Variants in NRXN1 observed in about 807,000 individuals in gnomAD.
NRXN1 encodes the protein neurexin-1.
In NRXN1, 39 loss-of-function variants were observed where a neutral mutation model predicts 150.9. The ratio of observed to expected loss-of-function variants is 0.26; its 90% CI spans 0.20 to 0.34. The LOEUF (loss-of-function observed/expected upper bound fraction) is 0.34. NRXN1 is among the 10% of genes least tolerant of loss of function. The pLI, the probability that NRXN1 is intolerant of heterozygous loss-of-function variation, is 1.00. For missense variants in NRXN1, 1,815 were observed against 1,949.9 expected (o/e 0.93, Z 1.30); for synonymous variants, 924 against 757.0 (o/e 1.22, Z -3.62).
At chr2:50,817,007 C>T (rs574992547) in intron 5 of NRXN1, among the ~76,000 whole-genome samples, 5 of 151,952 alleles carry the variant, frequency 3.3e-5, no homozygotes, top group South Asian at 4.2e-4. Flanking sequence ...ACAGGGCTCT[C>T]GGAGATCACA....
chr2:51,007,239 T>C (rs555908731), intron 2 of NRXN1, among the ~76,000 whole-genome samples: 39 of 152,066 alleles, frequency 2.6e-4, no homozygotes, highest in African/African-American at 9.1e-4. Flanking sequence ...TTAATGAGCA[T>C]TTTCTGAACC....
At chr2:50,602,500 ACAAT>A (rs1197437472) in intron 8 of NRXN1, among the ~76,000 whole-genome samples, 6 of 152,222 alleles carry the variant, frequency 3.9e-5, no homozygotes, top group Middle Eastern at 3.4e-3. Context: ...TCCAGAATCA[ACAAT>A]CACTTTCCAA....
chr2:50,818,510 T>C (rs1166789195), intron 5 of NRXN1, among the ~76,000 whole-genome samples: 3 of 152,112 alleles, frequency 2.0e-5, no homozygotes, highest in East Asian at 3.9e-4. Flanking sequence ...ATCCTTATCT[T>C]ACACACAAAA....
intron 17 of NRXN1, among the ~76,000 whole-genome samples, chr2:50,251,984 G>A (rs7580821): frequency 0.41 from 62,470 of 151,778 alleles, 13,076 homozygotes; most frequent in Middle Eastern, 0.46. Context: ...TCTGCAGGTT[G>A]TCTGTTCACT....
At chr2:50,840,471 T>C (rs1241274051) in intron 5 of NRXN1, among the ~76,000 whole-genome samples, 4 of 152,140 alleles carry the variant, frequency 2.6e-5, no homozygotes, top group Non-Finnish European at 5.9e-5. Context: ...GAGGTCCAGA[T>C]GGTGCAGAGA....
intron 5 of NRXN1, among the ~76,000 whole-genome samples, chr2:50,769,367 C>T (rs1254191162): frequency 6.6e-6 from 1 of 152,094 alleles, no homozygotes; most frequent in Admixed American, 6.6e-5. Flanking sequence ...CTCTAATGCA[C>T]TAACATCATT....
chr2:50,244,613 G>A (rs2152890484), intron 17 of NRXN1, among the ~76,000 whole-genome samples: 1 of 152,026 alleles, frequency 6.6e-6, no homozygotes, highest in African/African-American at 2.4e-5. Context: ...CTCTTCAGCA[G>A]ATAGGATCTG....
At position 50,776,655 on chromosome 2, in the gene NRXN1, T is replaced by C. The variant is rs200773900; in HGVS notation, c.832+145214A>G. Among the ~76,000 whole-genome samples, 7 of 147,310 alleles carry C rather than the reference T, an allele frequency of 4.8e-5. No individual in the cohort carries two copies. In the South Asian group the frequency reaches 6.5e-4, roughly 14 times the overall value. On this transcript the variant is annotated intron_variant, in intron 5 of 22. Transcript: ENST00000401669. Reference sequence around the variant, plus strand: ...TGAGATATATATATATATATACACATACACACACACACACACACACACATA... The same window carrying C: ...TGAGATATATATATATATATACACACACACACACACACACACACACACATA...
intron 5 of NRXN1, among the ~76,000 whole-genome samples, chr2:50,780,267 C>T (rs537035645): frequency 2.1e-4 from 32 of 152,010 alleles, no homozygotes; most frequent in Non-Finnish European, 3.7e-4. Context: ...GATGGATAGA[C>T]GGCAAAAATT....
intron 5 of NRXN1, among the ~76,000 whole-genome samples, chr2:50,673,253 G>T (rs1050386233): frequency 1.2e-4 from 18 of 152,078 alleles, no homozygotes; most frequent in Non-Finnish European, 2.4e-4. Context: ...TATTATGTGA[G>T]AAATTATGAT....
At chr2:50,819,637 A>C (rs1015330848) in intron 5 of NRXN1, among the ~76,000 whole-genome samples, 3 of 152,072 alleles carry the variant, frequency 2.0e-5, no homozygotes, top group Non-Finnish European at 4.4e-5. Flanking sequence ...TTAACAATAG[A>C]GTCCTGCACA....
chr2:50,026,861 T>C (rs1265616957), intron 21 of NRXN1, among the ~76,000 whole-genome samples: 1 of 23,132 alleles, frequency 4.3e-5, no homozygotes, highest in Non-Finnish European at 1.1e-4. Flanking sequence ...TTTCTTTTCT[T>C]TTTTTTTTTT....
chr2:50,354,881 TC>T, intron 17 of NRXN1, among the ~76,000 whole-genome samples: 1 of 152,078 alleles, frequency 6.6e-6, no homozygotes, highest in Admixed American at 6.6e-5. Flanking sequence ...CAAGACACTG[TC>T]TGTCATACAC....
chr2:50,964,867 T>C (rs1303331671), intron 2 of NRXN1, among the ~76,000 whole-genome samples: 2 of 151,488 alleles, frequency 1.3e-5, no homozygotes, highest in East Asian at 1.9e-4. Flanking sequence ...GAGTGCTCAA[T>C]ATTCTTTTTA....
intron 5 of NRXN1, among the ~76,000 whole-genome samples, chr2:50,752,869 A>G (rs1391967476): frequency 6.6e-6 from 1 of 152,004 alleles, no homozygotes; most frequent in Non-Finnish European, 1.5e-5. Context: ...AATTTATTTT[A>G]AACATGTGAA....
At chr2:50,502,467 CACACTCAG>C (rs562049148) in intron 13 of NRXN1, among the ~76,000 whole-genome samples, 522 of 152,174 alleles carry the variant, frequency 3.4e-3, no homozygotes, top group Admixed American at 7.5e-3. Flanking sequence ...CATACCCACA[CACACTCAG>C]ACACACAAAC....
chr2:50,561,333 G>C lies in NRXN1; in HGVS notation c.1321-8308C>G, dbSNP rs538052909. Among the ~76,000 whole-genome samples, 11 of 152,314 alleles carry C rather than the reference G, an allele frequency of 7.2e-5. 1 individual carries two copies. The South Asian group carries it at 2.3e-3, about 32-fold the overall frequency. On this transcript the variant is annotated intron_variant, in intron 8 of 22. Coordinates refer to ENST00000401669, the MANE Select transcript of NRXN1 (RefSeq NM_001330078.2). Reference sequence around the variant, plus strand: ...CTATTTTTCTCACATTAGTGATTCAGTAATGCCTTTTGGAAATAAATGGAA... The same window carrying C: ...CTATTTTTCTCACATTAGTGATTCACTAATGCCTTTTGGAAATAAATGGAA...
chr2:50,119,219 CTT>C (rs1230778659), intron 18 of NRXN1, among the ~76,000 whole-genome samples: 1 of 152,048 alleles, frequency 6.6e-6, no homozygotes, highest in African/African-American at 2.4e-5. Flanking sequence ...CATTATGTGT[CTT>C]TATCTTTTGG....
chr2:50,704,569 G>C, intron 5 of NRXN1, among the ~76,000 whole-genome samples: 2 of 151,420 alleles, frequency 1.3e-5, no homozygotes, highest in South Asian at 4.2e-4. Flanking sequence ...AATGTTATAT[G>C]AGAAAATTAG....
Sources: gnomAD v4.1 joint callset for allele counts (sites outside exome capture counted in the v4.1 genomes callset) on GRCh38, gnomAD v4.1.1 for gene constraint, MANE v1.5 for transcripts, NCBI Gene and HGNC (gene_info 2026-07-23, HGNC 2026-07-21) for gene names.